The following HHLA1 variants were observed in gnomAD, a reference collection of about 807,000 sequenced individuals.
The protein encoded by HHLA1 is HHLA1 neighbor of OC90.
A neutral mutation model predicts 69.9 loss-of-function variants in HHLA1; 72 were observed. That is an observed-to-expected ratio of 1.03 (90% confidence interval 0.85 to 1.25). The LOEUF (loss-of-function observed/expected upper bound fraction) is 1.25, where lower values mean the gene tolerates loss of function less well. HHLA1 is among the 50% of genes most tolerant of loss of function. The probability of loss-of-function intolerance (pLI) is 0.00; values close to 1 mark genes in which losing one functional copy is unlikely to be tolerated. For missense variants in HHLA1, 685 were observed against 642.2 expected (o/e 1.07, Z -0.72); for synonymous variants, 252 against 233.2 (o/e 1.08, Z -0.73).
intron 3 of HHLA1, among the ~76,000 whole-genome samples, chr8:132,103,546 G>A (rs1824151197): frequency 6.6e-6 from 1 of 152,022 alleles, no homozygotes; most frequent in South Asian, 2.1e-4. Flanking sequence ...TGAGCCTTTG[G>A]GGTGGAGGTT....
chr8:132,080,390 G>A (rs918263930), intron 10 of HHLA1: 1 of 327,968 alleles, frequency 3.0e-6, no homozygotes, highest in African/African-American at 2.2e-5. Context: ...GGTAGGTAAA[G>A]GAAAATTACA....
At chr8:132,074,186 A>C (rs1586725005) in intron 14 of HHLA1, among the ~76,000 whole-genome samples, 1 of 152,208 alleles carries the variant, frequency 6.6e-6, no homozygotes, top group East Asian at 1.9e-4. Flanking sequence ...TTTGCTTAGA[A>C]TGCACCTTGT....
At chr8:132,066,490 C>T in intron 15 of HHLA1, among the ~76,000 whole-genome samples, 1 of 152,160 alleles carries the variant, frequency 6.6e-6, no homozygotes. Flanking sequence ...TGTTCTTGGT[C>T]AGAGGTGGCA....
chr8:132,098,318 TAATC>T lies in HHLA1; in HGVS notation c.280+560_280+563del, dbSNP rs988536730. Among the ~76,000 whole-genome samples, 5 of 152,344 alleles carry T rather than the reference TAATC, an allele frequency of 3.3e-5. 1 individual carries two copies. The South Asian group carries it at 8.3e-4, about 25-fold the overall frequency. On this transcript the variant is annotated intron_variant, in intron 5 of 16. Transcript: ENST00000414222. ...AAAGAAATCCAGAATCATATTAACT[TAATC>T]AATGAGTAATTATTGTTAGTTTATG...
intron 15 of HHLA1, among the ~76,000 whole-genome samples, chr8:132,067,574 G>A (rs892086620): frequency 1.3e-5 from 2 of 152,158 alleles, no homozygotes; most frequent in African/African-American, 4.8e-5. Context: ...GCTACAACAT[G>A]TCAAGGGTGC....
In HHLA1 at chr8:132,065,955, A is replaced by C; in HGVS notation, c.1483T>G (p.Tyr495Asp). The change falls in exon 16 of 17, where the codon TAC becomes GAC. Residue 495 changes from tyrosine (Y) to aspartate (D), a missense_variant. Tyr to Asp is a radical substitution (Grantham distance 160). Coordinates refer to ENST00000414222, the MANE Select transcript of HHLA1 (RefSeq NM_001145095.3). ...RTEDMRYCLE[Y>D]YSWFLKNATY... is the part of the protein sequence containing the mutation. ...GCATTCTTCAGAAACCAGGAATAGT[A>C]TTCAAGACAGTATCTAAAGATTTAA... is the stretch of plus-strand genomic sequence containing the variant. 7.7e-7 allele frequency: 1 copy of C among 1,295,138 alleles called. No homozygotes were observed. Among genetic ancestry groups the C allele is most frequent in the South Asian group, 1.2e-5 (1 of 80,808 alleles). 80.2% of individuals were successfully genotyped at this position (1,295,138 alleles called of 1,614,324 possible).
intron 5 of HHLA1, among the ~76,000 whole-genome samples, chr8:132,096,563 A>G (rs1289731454): frequency 6.6e-6 from 1 of 152,174 alleles, no homozygotes; most frequent in African/African-American, 2.4e-5. Flanking sequence ...TTAGGAATAC[A>G]TGCATGAGCA....
intron 3 of HHLA1, 51 bp from the exon 4 acceptor site, chr8:132,100,185 C>T (rs1407615158): frequency 1.5e-6 from 2 of 1,357,952 alleles, no homozygotes; most frequent in Middle Eastern, 1.8e-4. Flanking sequence ...CCAGTTCCTA[C>T]CCCCAGGAAT....
At chr8:132,110,829 C>T (rs1824284609) in intron 1 of HHLA1, among the ~76,000 whole-genome samples, 1 of 152,188 alleles carries the variant, frequency 6.6e-6, no homozygotes, top group Non-Finnish European at 1.5e-5. Context: ...GATGTGAGGA[C>T]AAACCATCCT....
intron 3 of HHLA1, among the ~76,000 whole-genome samples, chr8:132,103,467 A>C (rs1397962857): frequency 6.6e-6 from 1 of 152,118 alleles, no homozygotes; most frequent in African/African-American, 2.4e-5. Flanking sequence ...AAAGTACAAA[A>C]TATTATCCAG....
intron 13 of HHLA1, 37 bp downstream of exon 13, chr8:132,076,432 ATCCCCC>A: frequency 3.5e-6 from 1 of 287,742 alleles, no homozygotes; most frequent in Non-Finnish European, 6.3e-6. Context: ...CACCCCTCCC[ATCCCCC>A]ACCCCCAAAC....
At chr8:132,087,956 T>A (rs1823890644) in intron 8 of HHLA1, 55 bp from the exon 9 acceptor site, 1 of 1,338,548 alleles carries the variant, frequency 7.5e-7, no homozygotes, top group African/African-American at 1.5e-5. Flanking sequence ...AAGCTGTAAG[T>A]CTTTGATTGA....
At chr8:132,103,804 T>C (rs1036422831) in intron 3 of HHLA1, among the ~76,000 whole-genome samples, 1 of 152,100 alleles carries the variant, frequency 6.6e-6, no homozygotes, top group African/African-American at 2.4e-5. Context: ...TTTCATAGCA[T>C]CAAGAAGGAA....
At chr8:132,107,386 C>T (rs760616753) in intron 1 of HHLA1, among the ~76,000 whole-genome samples, 1 of 152,006 alleles carries the variant, frequency 6.6e-6, no homozygotes, top group Admixed American at 6.6e-5. Context: ...CTGCAACCTC[C>T]GCCTCCCAGG....
At chr8:132,098,836 C>T in intron 5 of HHLA1, 46 bp downstream of exon 5, 2 of 1,286,024 alleles carry the variant, frequency 1.6e-6, no homozygotes, top group South Asian at 1.3e-5. Context: ...GACACTGGTA[C>T]AAGAAAAAAA....
rs576086957 is a variant in HHLA1 at position 132,083,525 on chromosome 8, G to A, written c.677-3559C>T. ...TTCAGCCGCTAAGCCAAGAAGATCTGGGAAGGAGTCAGTCAGAGAGCCTTG... is the reference window on the plus strand; with the variant it reads ...TTCAGCCGCTAAGCCAAGAAGATCTAGGAAGGAGTCAGTCAGAGAGCCTTG... On this transcript the variant is annotated intron_variant, in intron 10 of 16. Coordinates refer to ENST00000414222, the MANE Select transcript of HHLA1 (RefSeq NM_001145095.3). 4.1e-3 allele frequency among the ~76,000 whole-genome samples: 620 copies of A among 152,324 alleles called. 3 individuals are homozygous for A. Among genetic ancestry groups the A allele is most frequent in the African/African-American group, 0.014 (601 of 41,570 alleles).
intron 3 of HHLA1, among the ~76,000 whole-genome samples, chr8:132,100,916 G>A (rs753488733): frequency 9.2e-5 from 14 of 152,320 alleles, no homozygotes; most frequent in South Asian, 4.1e-4. Flanking sequence ...TTGTAACTAC[G>A]ACTGTTGGAG....
Position 132,079,130 on chromosome 8 carries a change from T to A in HHLA1, c.925+588A>T, listed in dbSNP as rs537059250. On this transcript the variant is annotated intron_variant, in intron 11 of 16. Coordinates refer to ENST00000414222, the MANE Select transcript of HHLA1 (RefSeq NM_001145095.3). ...ATAAGATAAGCATGCCTTTTGTGTC[T>A]TTAGTGATGACACTGCTGATCATGT... 1.8e-4 allele frequency among the ~76,000 whole-genome samples: 27 copies of A among 152,344 alleles called. No homozygotes were observed. The South Asian group carries it at 5.6e-3, about 32-fold the overall frequency.
chr8:132,071,615 A>G, intron 14 of HHLA1, 122 bp from the exon 15 acceptor site: 2 of 834,268 alleles, frequency 2.4e-6, no homozygotes, highest in South Asian at 1.8e-5. Flanking sequence ...TGAGACAGAC[A>G]GGTAAACATA....
Sources: gnomAD v4.1 joint callset for allele counts (sites outside exome capture counted in the v4.1 genomes callset) on GRCh38, gnomAD v4.1.1 for gene constraint, MANE v1.5 for transcripts, NCBI Gene and HGNC (gene_info 2026-07-23, HGNC 2026-07-21) for gene names.